USP13: variants seen among roughly 807,000 people sequenced by gnomAD.
USP13 encodes the protein ubiquitin specific peptidase 13.
Under a neutral mutation model 107.8 loss-of-function variants are expected in USP13, and 68 were observed. The ratio of observed to expected loss-of-function variants is 0.63; its 90% CI spans 0.52 to 0.77. The LOEUF is 0.77. Among genes scored for constraint, USP13 ranks in the 30% least tolerant of loss-of-function variants. The probability of loss-of-function intolerance (pLI) is 0.00; values close to 1 mark genes in which losing one functional copy is unlikely to be tolerated. For missense variants in USP13, 945 were observed against 1,093.3 expected, an observed-to-expected ratio of 0.86 and a Z score of 1.91; for synonymous variants, 377 against 389.5, an observed-to-expected ratio of 0.97 and a Z score of 0.38.
chr3:179,756,086 T>A (rs1004575514), intron 15 of USP13, among the ~76,000 whole-genome samples: 1 of 152,228 alleles, frequency 6.6e-6, no homozygotes, highest in Non-Finnish European at 1.5e-5. Context: ...CTCTCTCTGA[T>A]GTTCATAATA....
In USP13 at chr3:179,740,099, G is replaced by C. The variant is rs1422589771; in HGVS notation, c.1255-148G>C. 2.7e-6 allele frequency: 3 copies of C among 1,106,130 alleles called. No homozygotes were observed. The African/African-American group carries it at 4.7e-5, about 17-fold the overall frequency. The allele number at this position is 1,106,130 out of a possible 1,614,324, so 68.5% of individuals were successfully genotyped here. On this transcript the variant is annotated intron_variant, in intron 10 of 20. Transcript: ENST00000263966. The stretch of plus-strand genomic sequence containing the variant: ...CTGGCACATAGTAAACACCCAGCGA[G>C]TATTGGCCACTATCATTATTTACCT...
At chr3:179,738,405 T>C (rs1472131201) in intron 10 of USP13, among the ~76,000 whole-genome samples, 1 of 152,208 alleles carries the variant, frequency 6.6e-6, no homozygotes, top group African/African-American at 2.4e-5. Context: ...GAACTGGAGT[T>C]AGAGCCACTC....
At chr3:179,696,612 G>A (rs919057200) in intron 3 of USP13, among the ~76,000 whole-genome samples, 19 of 152,124 alleles carry the variant, frequency 1.2e-4, no homozygotes, top group Admixed American at 8.5e-4. Context: ...GATTACAGGC[G>A]TGAGCCACTG....
chr3:179,705,309 T>TTTA (rs1712673274), intron 4 of USP13, among the ~76,000 whole-genome samples: 1 of 149,514 alleles, frequency 6.7e-6, no homozygotes, highest in East Asian at 2.5e-4. Flanking sequence ...TATTTATTTA[T>TTTA]TTATTTACAG....
rs567741826 is a variant in USP13, at chr3:179,766,598, G to A, written c.2413+750G>A. 7.2e-5 allele frequency among the ~76,000 whole-genome samples: 11 copies of A among 152,290 alleles called. No individual in the cohort carries two copies. In the South Asian group the frequency reaches 1.7e-3, roughly 23 times the overall value. ...ATGACAGGAAGAGGCGCCATAGGCC[G>A]TTGTTCTGCCTTTTAATAGCAAACA... On this transcript the variant is annotated intron_variant, in intron 19 of 20. Coordinates refer to ENST00000263966, the MANE Select transcript of USP13 (RefSeq NM_003940.3).
chr3:179,656,547 G>A (rs77076950), intron 1 of USP13, among the ~76,000 whole-genome samples: 5,231 of 152,282 alleles, frequency 0.034, 173 homozygotes, highest in East Asian at 0.15. Flanking sequence ...TGGGATGAGT[G>A]AGAATTTGTT....
chr3:179,773,863 G>T (rs1715414556), intron 19 of USP13, among the ~76,000 whole-genome samples: 1 of 152,126 alleles, frequency 6.6e-6, no homozygotes, highest in Admixed American at 6.5e-5. Flanking sequence ...CTACTGGACA[G>T]AATTTTTTTG....
intron 12 of USP13, among the ~76,000 whole-genome samples, 166 bp from the exon 13 acceptor site, chr3:179,744,877 G>A (rs1405864628): frequency 6.6e-6 from 1 of 152,132 alleles, no homozygotes; most frequent in Non-Finnish European, 1.5e-5. Context: ...TCTAAAGACA[G>A]CCCCAGAACA....
At position 179,742,393 on chromosome 3, in the gene USP13, A is replaced by G; in HGVS notation, c.1534+43A>G. The G allele has an allele frequency of 1.2e-6, 2 of 1,611,024 alleles. No individual in the cohort carries two copies. Among genetic ancestry groups the G allele is most frequent in the Non-Finnish European group, 1.7e-6 (2 of 1,177,812 alleles). ...GGAAATTGGTACTGTGTGTCTTCAT[A>G]TGGGAAAACCCTCAAATCAGAGAGA... On this transcript the variant is annotated intron_variant, in intron 12 of 20. Transcript: ENST00000263966. This position sits in a 1 kb window ranked among gnomAD's most constrained non-coding sequence, Gnocchi z 5.0.
chr3:179,742,494 CT>C lies in USP13; in HGVS notation c.1534+147del. On this transcript the variant is annotated intron_variant, in intron 12 of 20. Transcript: ENST00000263966. The surrounding 1 kb of genome is among the most constrained non-coding windows in gnomAD (Gnocchi z 5.0). Reference sequence around the variant, plus strand: ...CTGCTTTGCACATCTCTTTTCATCTCTTTGTTAGTTCCCATGTGACTTTTCC... The same window carrying C: ...CTGCTTTGCACATCTCTTTTCATCTCTTGTTAGTTCCCATGTGACTTTTCC... 2.9e-6 allele frequency: 3 copies of C among 1,034,100 alleles called. No homozygotes were observed. Among genetic ancestry groups the C allele is most frequent in the Non-Finnish European group, 4.2e-6 (3 of 720,530 alleles). The allele number at this position is 1,034,100 out of a possible 1,614,324, so 64.1% of individuals were successfully genotyped here. A position where few individuals can be genotyped will look rare whatever the true frequency, so the allele number is the denominator to read the frequency against.
At chr3:179,698,871 A>ATTTT (rs397688832) in intron 3 of USP13, among the ~76,000 whole-genome samples, 1 of 144,482 alleles carries the variant, frequency 6.9e-6, no homozygotes. Flanking sequence ...GTTGAATACT[A>ATTTT]TTTTTTTTTT....
At chr3:179,745,252 G>A in intron 13 of USP13, 35 bp downstream of exon 13, 1 of 1,609,580 alleles carries the variant, frequency 6.2e-7, no homozygotes, top group Non-Finnish European at 8.5e-7. Flanking sequence ...AGTGGGGTGA[G>A]GAGGGGCCTT....
chr3:179,719,762 G>A (rs1576950030), intron 6 of USP13, among the ~76,000 whole-genome samples, 178 bp from the exon 7 acceptor site: 1 of 152,118 alleles, frequency 6.6e-6, no homozygotes, highest in South Asian at 2.1e-4. Flanking sequence ...TACAAAAAAT[G>A]CCTACATATT....
chr3:179,701,132 C>A lies in USP13; in HGVS notation c.477+3C>A. ...ATATTGAGGAGTTACCAGCCCTGGTCAGTGAGTGTGCACGGCTGCTAGCTA... is the reference window on the plus strand; with the variant it reads ...ATATTGAGGAGTTACCAGCCCTGGTAAGTGAGTGTGCACGGCTGCTAGCTA... On this transcript the variant is annotated splice_donor_region_variant and intron_variant, in intron 4 of 20. Coordinates refer to ENST00000263966, the MANE Select transcript of USP13 (RefSeq NM_003940.3). 6.9e-7 allele frequency: 1 copy of A among 1,442,050 alleles called. No individual in the cohort carries two copies. The highest frequency in any genetic ancestry group is 1.1e-5 in the South Asian group (1 of 88,982). 89.3% of individuals were successfully genotyped at this position (1,442,050 alleles called of 1,614,324 possible).
intron 2 of USP13, among the ~76,000 whole-genome samples, chr3:179,687,402 A>G (rs1199520612): frequency 6.6e-6 from 1 of 151,792 alleles, no homozygotes; most frequent in South Asian, 2.1e-4. Context: ...GCTCACACCT[A>G]TAATCCCAAC....
intron 19 of USP13, 128 bp downstream of exon 19, chr3:179,765,976 C>T (rs1025982721): frequency 7.3e-5 from 65 of 888,014 alleles, no homozygotes; most frequent in Middle Eastern, 2.6e-4. Context: ...CCATCTTCTT[C>T]GTTTTTTTTT....
chr3:179,728,230 T>C (rs1449277922), intron 8 of USP13, among the ~76,000 whole-genome samples: 1 of 139,366 alleles, frequency 7.2e-6, no homozygotes, highest in African/African-American at 2.7e-5. Context: ...CCAGACGAGG[T>C]GGCTGCCGGG....
rs565627741 is a variant in USP13, at chr3:179,761,212, C to T, written c.2049C>T (p.Ala683=). The T allele has an allele frequency of 1.5e-5, 24 of 1,614,120 alleles. No homozygotes were observed. Among genetic ancestry groups the T allele is most frequent in the African/African-American group, 6.7e-5 (5 of 75,014 alleles). ...TGTACTTCACTGGAAATATGGGCGCCGAGGTGGCCTTCAACTGGATCATTG... is the reference window on the plus strand; with the variant it reads ...TGTACTTCACTGGAAATATGGGCGCTGAGGTGGCCTTCAACTGGATCATTG... ...KAVYFTGNMG[A]EVAFNWIIVH... is the part of the protein sequence containing the mutation. Residue 683 remains alanine, a synonymous_variant, in exon 17 of 21, where the codon GCC becomes GCT. Coordinates refer to ENST00000263966, the MANE Select transcript of USP13 (RefSeq NM_003940.3).
intron 10 of USP13, among the ~76,000 whole-genome samples, chr3:179,731,551 C>T (rs747647080): frequency 7.9e-5 from 12 of 152,108 alleles, no homozygotes; most frequent in Non-Finnish European, 1.3e-4. Context: ...GGAGAAACTC[C>T]GTGGGCCAGT....
Sources: allele counts gnomAD v4.1 joint callset (sites outside exome capture counted in the v4.1 genomes callset), GRCh38; gene constraint gnomAD v4.1.1; non-coding constraint Gnocchi (gnomAD v3.1); transcripts MANE v1.5; gene names NCBI Gene and HGNC (gene_info 2026-07-23, HGNC 2026-07-21).